Variants in PLEKHA5 observed in about 807,000 individuals in gnomAD.
The protein encoded by PLEKHA5 is pleckstrin homology domain-containing family A member 5.
Under a neutral mutation model 181.9 loss-of-function variants are expected in PLEKHA5, and 55 were observed. That is an observed-to-expected ratio of 0.30 (90% CI 0.24 to 0.38). The LOEUF (loss-of-function observed/expected upper bound fraction) is 0.38, where lower values mean the gene tolerates loss of function less well. PLEKHA5 is among the 10% of genes least tolerant of loss of function. PLEKHA5 has a pLI of 1.00. For missense variants in PLEKHA5, 1,432 were observed against 1,549.5 expected (o/e 0.92, Z 1.27); for synonymous variants, 535 against 529.4 (o/e 1.01, Z -0.15).
Position 19,197,676 on chromosome 12 carries a change from CTGTGTGTGTGTGTGTGTGTGTGTGTG to C in PLEKHA5, c.228-56232_228-56207del, listed in dbSNP as rs3056412. On this transcript the variant is annotated intron_variant, in intron 3 of 31. Transcript: ENST00000429027. ...TTGAAGTCACAGAGTCTATCCGGTG[CTGTGTGTGTGTGTGTGTGTGTGTGTG>C]TGTGTGTGTGTGTGTGTGTGTGTGT... is the stretch of plus-strand genomic sequence containing the variant. Among the ~76,000 whole-genome samples the C allele has an allele frequency of 3.9e-3, 432 of 111,024 alleles. 2 individuals are homozygous for C. Among genetic ancestry groups the C allele is most frequent in the African/African-American group, 0.014 (405 of 29,744 alleles). The allele number at this position is 111,024 out of a possible 152,430, so 72.8% of individuals were successfully genotyped here.
intron 25 of PLEKHA5, among the ~76,000 whole-genome samples, chr12:19,350,043 C>T (rs1234907472): frequency 2.0e-5 from 3 of 152,128 alleles, no homozygotes; most frequent in Non-Finnish European, 4.4e-5. Context: ...ACCCAGGAGT[C>T]AGAGGTTGCA....
intron 25 of PLEKHA5, among the ~76,000 whole-genome samples, chr12:19,353,234 A>T (rs1247560120): frequency 6.6e-6 from 1 of 152,040 alleles, no homozygotes; most frequent in Admixed American, 6.6e-5. Flanking sequence ...GCTCACTGCA[A>T]CCTGCACCTC....
chr12:19,355,990 C>A (rs1003017255), intron 26 of PLEKHA5, among the ~76,000 whole-genome samples: 1 of 151,820 alleles, frequency 6.6e-6, no homozygotes, highest in South Asian at 2.1e-4. Context: ...CATGGTGAAA[C>A]GCTGTCTCAA....
At chr12:19,335,492 T>G (rs2093348178) in intron 20 of PLEKHA5, among the ~76,000 whole-genome samples, 1 of 151,280 alleles carries the variant, frequency 6.6e-6, no homozygotes, top group Non-Finnish European at 1.5e-5. Flanking sequence ...CTCGGCTCAC[T>G]GCAACCTCCG....
chr12:19,134,646 C>T (rs2035065771), intron 3 of PLEKHA5, among the ~76,000 whole-genome samples: 5 of 152,038 alleles, frequency 3.3e-5, no homozygotes. Context: ...TGTTATTTAT[C>T]ATTCTAATAG....
intron 15 of PLEKHA5, among the ~76,000 whole-genome samples, chr12:19,292,966 G>T (rs762888650): frequency 6.6e-6 from 1 of 152,010 alleles, no homozygotes; most frequent in Non-Finnish European, 1.5e-5. Flanking sequence ...CATTTAACAA[G>T]GAGTGACTCA....
intron 29 of PLEKHA5, among the ~76,000 whole-genome samples, chr12:19,365,360 C>A (rs1311495154): frequency 7.0e-6 from 1 of 143,132 alleles, no homozygotes; most frequent in African/African-American, 2.6e-5. Flanking sequence ...AGTGAGACTC[C>A]GTCTCAAAAA....
At chr12:19,252,991 A>G (rs1264596422) in intron 3 of PLEKHA5, among the ~76,000 whole-genome samples, 2 of 149,946 alleles carry the variant, frequency 1.3e-5, no homozygotes, top group African/African-American at 2.4e-5. Context: ...TGACCCACCT[A>G]TGAAGTGTAA....
chr12:19,283,061 C>T (rs955499912), intron 11 of PLEKHA5, among the ~76,000 whole-genome samples: 76 of 145,300 alleles, frequency 5.2e-4, no homozygotes, highest in African/African-American at 1.6e-3. Flanking sequence ...GCAGGAGAAT[C>T]GCTTGAGCCC....
chr12:19,345,094 A>C (rs1437077831), intron 22 of PLEKHA5, among the ~76,000 whole-genome samples: 2 of 151,718 alleles, frequency 1.3e-5, no homozygotes, highest in Non-Finnish European at 2.9e-5. Flanking sequence ...CAACAGAGTG[A>C]AAAACAATAA....
At position 19,369,742 on chromosome 12, in the gene PLEKHA5, C is replaced by G; in HGVS notation, c.3804C>G (p.Ser1268=). ...AGTCCTCGGCATCGCCAGTTCCATC[C>G]ACTCAGCCGCAGCTCACAGAAGGAT... ...SPESSASPVP[S]TQPQLTEGSH... is the part of the protein sequence containing the mutation. Residue 1268 remains serine, a synonymous_variant, in exon 31 of 32, where the codon TCC becomes TCG. Transcript: ENST00000429027. 6.2e-7 allele frequency: 1 copy of G among 1,612,776 alleles called. No individual in the cohort carries two copies. Among genetic ancestry groups the G allele is most frequent in the Non-Finnish European group, 8.5e-7 (1 of 1,179,340 alleles).
At chr12:19,327,241 G>GTTT (rs1163455769) in intron 20 of PLEKHA5, among the ~76,000 whole-genome samples, 1 of 141,410 alleles carries the variant, frequency 7.1e-6, no homozygotes, top group African/African-American at 2.7e-5. Flanking sequence ...GCCAGCATCT[G>GTTT]TTTTTGTTTT....
intron 28 of PLEKHA5, 112 bp downstream of exon 28, chr12:19,359,658 G>A: frequency 9.1e-7 from 1 of 1,095,334 alleles, no homozygotes; most frequent in Non-Finnish European, 1.3e-6. Flanking sequence ...AGTCCATAGA[G>A]CTAAATGAAA....
At chr12:19,178,730 C>T (rs754639350) in intron 3 of PLEKHA5, among the ~76,000 whole-genome samples, 29 of 152,124 alleles carry the variant, frequency 1.9e-4, no homozygotes, top group Non-Finnish European at 3.2e-4. Context: ...CCTTAGTCTG[C>T]CTTACTGGGC....
rs547304349 is a variant in PLEKHA5, at chr12:19,188,262, A to G, written c.227+55812A>G. ...AAGGACATAAGGACTTTGAAGTAGAATTAGAGAGGCAATTTAAAGTTACCA... is the reference window on the plus strand; with the variant it reads ...AAGGACATAAGGACTTTGAAGTAGAGTTAGAGAGGCAATTTAAAGTTACCA... On this transcript the variant is annotated intron_variant, in intron 3 of 31. Transcript: ENST00000429027. Among the ~76,000 whole-genome samples, 193 of 152,326 alleles carry G rather than the reference A, an allele frequency of 1.3e-3. 1 individual carries two copies. Among genetic ancestry groups the G allele is most frequent in the Non-Finnish European group, 1.4e-3 (98 of 68,036 alleles).
At chr12:19,365,731 T>C (rs1290708878) in intron 29 of PLEKHA5, among the ~76,000 whole-genome samples, 1 of 152,146 alleles carries the variant, frequency 6.6e-6, no homozygotes, top group Admixed American at 6.6e-5. Flanking sequence ...GGAGCAAGGA[T>C]TTTAGGGCTT....
At chr12:19,171,031 A>C (rs2045769782) in intron 3 of PLEKHA5, among the ~76,000 whole-genome samples, 1 of 152,346 alleles carries the variant, frequency 6.6e-6, no homozygotes, top group Non-Finnish European at 1.5e-5. Flanking sequence ...GCAGTTTGGT[A>C]TGTAAAATGA....
chr12:19,145,966 A>G (rs2038821643), intron 3 of PLEKHA5, among the ~76,000 whole-genome samples: 1 of 152,230 alleles, frequency 6.6e-6, no homozygotes, highest in East Asian at 1.9e-4. Context: ...AAAAACTTAC[A>G]AAAGTAATAA....
chr12:19,191,134 C>T (rs554615143), intron 3 of PLEKHA5, among the ~76,000 whole-genome samples: 2 of 152,290 alleles, frequency 1.3e-5, no homozygotes, highest in South Asian at 4.1e-4. Flanking sequence ...CCCTTTACCA[C>T]CTATACCTTC....
Sources: gnomAD v4.1 joint callset for allele counts (sites outside exome capture counted in the v4.1 genomes callset) on GRCh38, gnomAD v4.1.1 for gene constraint, MANE v1.5 for transcripts, NCBI Gene and HGNC (gene_info 2026-07-23, HGNC 2026-07-21) for gene names.